The following KSR1 variants were observed in gnomAD, a reference collection of about 807,000 sequenced individuals.
KSR1 encodes kinase suppressor of ras 1, also known as kinase suppressor of ras.
KSR1 carries 35 observed loss-of-function variants against 92.9 expected under a neutral mutation model. The ratio of observed to expected loss-of-function variants is 0.38; its 90% CI spans 0.29 to 0.50. KSR1 has a LOEUF of 0.50. KSR1 is among the 20% of genes least tolerant of loss of function. The pLI is 0.94. For synonymous variants in KSR1, 467 were observed against 472.6 expected (o/e 0.99, Z 0.15); for missense variants, 972 against 1,158.5 (o/e 0.84, Z 2.34).
chr17:27,491,072 TAC>T (rs1287713639), intron 1 of KSR1, among the ~76,000 whole-genome samples: 2 of 152,160 alleles, frequency 1.3e-5, no homozygotes, highest in East Asian at 3.8e-4. Context: ...TGTGTATCTA[TAC>T]ACACACATAC....
At chr17:27,523,120 T>C (rs2070110263) in intron 1 of KSR1, among the ~76,000 whole-genome samples, 1 of 152,224 alleles carries the variant, frequency 6.6e-6, no homozygotes, top group South Asian at 2.1e-4. Context: ...AAAATTTTAC[T>C]TCTATTGTCT....
intron 1 of KSR1, among the ~76,000 whole-genome samples, chr17:27,484,957 G>A (rs558900436): frequency 3.9e-4 from 60 of 152,292 alleles, no homozygotes; most frequent in African/African-American, 1.4e-3. Context: ...TCCTCCCCAC[G>A]GAGTTGGGGA....
rs2073190908 is a variant in KSR1, at chr17:27,592,270, C to T, written c.1131-91C>T. 5 of 934,564 alleles carry T rather than the reference C, an allele frequency of 5.4e-6. No individual in the cohort carries two copies. In the South Asian group the frequency reaches 7.5e-5, roughly 14 times the overall value. 57.9% of individuals were successfully genotyped at this position (934,564 alleles called of 1,614,324 possible). ...GTTGAGAAGTGTGTGAAAATGGAGA[C>T]AGTCCTGAGTGAATGCTACACAGAG... On this transcript the variant is annotated intron_variant, in intron 7 of 20. Coordinates refer to ENST00000644974, the MANE Select transcript of KSR1 (RefSeq NM_001394583.1).
chr17:27,617,283 C>T lies in KSR1; in HGVS notation c.2494-12C>T. On this transcript the variant is annotated splice_polypyrimidine_tract_variant and intron_variant, in intron 18 of 20. Coordinates refer to ENST00000644974, the MANE Select transcript of KSR1 (RefSeq NM_001394583.1). ...CCAGCTCACACACCACTAATGGCAG[C>T]TCCATTTGCAGGAGATCCTGTCGGC... The T allele has an allele frequency of 6.2e-7, 1 of 1,601,868 alleles. No homozygotes were observed. The highest frequency in any genetic ancestry group is 2.2e-5 in the East Asian group (1 of 44,494).
At chr17:27,543,976 A>G (rs2071067543) in intron 1 of KSR1, among the ~76,000 whole-genome samples, 2 of 152,198 alleles carry the variant, frequency 1.3e-5, no homozygotes, top group Admixed American at 1.3e-4. Context: ...TGTATTGCCT[A>G]GGGAGGTAAT....
intron 17 of KSR1, 130 bp from the exon 18 acceptor site, chr17:27,611,364 C>G (rs2073911268): frequency 1.6e-6 from 2 of 1,232,408 alleles, no homozygotes; most frequent in Non-Finnish European, 2.2e-6. Flanking sequence ...GTAGCATCCC[C>G]TGAAGCCAAG....
chr17:27,530,411 C>T (rs1470968573), intron 1 of KSR1, among the ~76,000 whole-genome samples: 1 of 151,930 alleles, frequency 6.6e-6, no homozygotes, highest in East Asian at 1.9e-4. Context: ...CACCACCGCA[C>T]TCCAGCCTAA....
At chr17:27,498,895 G>T (rs1345280070) in intron 1 of KSR1, among the ~76,000 whole-genome samples, 1 of 152,204 alleles carries the variant, frequency 6.6e-6, no homozygotes, top group East Asian at 1.9e-4. Flanking sequence ...TGAGGAAGAA[G>T]CAAAGGGCGG....
At chr17:27,601,218 T>G (rs2073545067) in intron 10 of KSR1, 142 bp from the exon 11 acceptor site, 2 of 681,848 alleles carry the variant, frequency 2.9e-6, no homozygotes. Context: ...TGGTTTGGCC[T>G]GTCCTTGCCA....
chr17:27,562,233 G>A (rs573525820), intron 2 of KSR1, among the ~76,000 whole-genome samples: 19 of 152,292 alleles, frequency 1.2e-4, no homozygotes, highest in African/African-American at 4.3e-4. Context: ...ATGTTGGCAG[G>A]GACCTGGCTA....
In KSR1 at chr17:27,456,633, G is replaced by A; in HGVS notation, c.-11G>A. The A allele has an allele frequency of 2.0e-6, 1 of 509,636 alleles. No homozygotes were observed. Among genetic ancestry groups the A allele is most frequent in the Non-Finnish European group, 3.4e-6 (1 of 296,242 alleles). The allele number at this position is 509,636 out of a possible 1,614,324, so 31.6% of individuals were successfully genotyped here. Reference sequence around the variant, plus strand: ...TCCCAGCCTCGGCCGCCGCGGCCCCGATGCCGAGGCATGGATAGAGCAGCG... The same window carrying A: ...TCCCAGCCTCGGCCGCCGCGGCCCCAATGCCGAGGCATGGATAGAGCAGCG... On this transcript the variant is annotated 5_prime_UTR_variant, in exon 1 of 21. Transcript: ENST00000644974.
chr17:27,571,038 G>C (rs567164203), intron 2 of KSR1, among the ~76,000 whole-genome samples: 203 of 152,324 alleles, frequency 1.3e-3, no homozygotes, highest in African/African-American at 4.6e-3. Flanking sequence ...GAGGTCAGGG[G>C]CATTGCGGGG....
In KSR1 at chr17:27,550,445, G is replaced by A. The variant is rs372896922; in HGVS notation, c.232-123G>A. The A allele has an allele frequency of 1.2e-4, 81 of 690,320 alleles. No individual in the cohort carries two copies. The African/African-American group carries it at 1.3e-3, about 11-fold the overall frequency. The allele number at this position is 690,320 out of a possible 1,614,324, so 42.8% of individuals were successfully genotyped here. A position where few individuals can be genotyped will look rare whatever the true frequency, so the allele number is the denominator to read the frequency against. On this transcript the variant is annotated intron_variant, in intron 1 of 20. Transcript: ENST00000644974. ...CCTCCCCTGCAAACAGCAGAGAGGA[G>A]AGCCAGCCCCTTCCCTCATCACATT...
In KSR1 at chr17:27,625,172, A is replaced by G. The variant is rs970518925; in HGVS notation, c.*1780A>G. On this transcript the variant is annotated 3_prime_UTR_variant, in exon 21 of 21. Coordinates refer to ENST00000644974, the MANE Select transcript of KSR1 (RefSeq NM_001394583.1). Reference sequence around the variant, plus strand: ...TGTGTCTCCAGCCTTTCACCTTTCTATTGCAATGGTGGCCTTTGTCCAGGC... The same window carrying G: ...TGTGTCTCCAGCCTTTCACCTTTCTGTTGCAATGGTGGCCTTTGTCCAGGC... The G allele has an allele frequency of 6.6e-6, 1 of 152,116 alleles. No homozygotes were observed. Among genetic ancestry groups the G allele is most frequent in the Admixed American group, 6.5e-5 (1 of 15,284 alleles). 9.4% of individuals were successfully genotyped at this position (152,116 alleles called of 1,614,324 possible).
chr17:27,584,992 A>G (rs1480624930), intron 4 of KSR1, among the ~76,000 whole-genome samples: 1 of 152,190 alleles, frequency 6.6e-6, no homozygotes, highest in Non-Finnish European at 1.5e-5. Context: ...GCTGGAGTGC[A>G]GTGGCGCAAT....
chr17:27,619,195 A>G (rs2074147494), intron 19 of KSR1, among the ~76,000 whole-genome samples: 1 of 152,066 alleles, frequency 6.6e-6, no homozygotes, highest in Admixed American at 6.5e-5. Flanking sequence ...CTGCATCCCC[A>G]ACTCCCATAC....
intron 1 of KSR1, among the ~76,000 whole-genome samples, chr17:27,507,282 A>T (rs925798620): frequency 6.6e-6 from 1 of 151,792 alleles, no homozygotes; most frequent in Non-Finnish European, 1.5e-5. Context: ...AAAATACAAA[A>T]ATTAGCCAGG....
intron 2 of KSR1, among the ~76,000 whole-genome samples, chr17:27,567,520 A>G (rs1244980088): frequency 1.3e-5 from 2 of 152,134 alleles, no homozygotes; most frequent in Non-Finnish European, 2.9e-5. Flanking sequence ...GAGGCCTAGG[A>G]CCTGGCTAGG....
chr17:27,460,147 C>G (rs1328533188), intron 1 of KSR1, among the ~76,000 whole-genome samples: 1 of 152,156 alleles, frequency 6.6e-6, no homozygotes, highest in Admixed American at 6.5e-5. Context: ...GAAAACTCCA[C>G]CGAGGCAAAC....
Sources: allele counts gnomAD v4.1 joint callset (sites outside exome capture counted in the v4.1 genomes callset), GRCh38; gene constraint gnomAD v4.1.1; transcripts MANE v1.5; gene names NCBI Gene and HGNC (gene_info 2026-07-23, HGNC 2026-07-21).